Variants in IFI27L1 observed in about 807,000 individuals in gnomAD.
The protein encoded by IFI27L1 is interferon alpha-inducible protein 27-like protein 1.
A neutral mutation model predicts 9.2 loss-of-function variants in IFI27L1; 3 were observed. That is an observed-to-expected ratio of 0.32 (90% CI 0.15 to 0.84). The LOEUF is 0.84. IFI27L1 is among the 40% of genes least tolerant of loss of function. The pLI is 0.56. For synonymous variants in IFI27L1, 53 were observed against 50.0 expected (o/e 1.06, Z -0.26); for missense variants, 133 against 134.2 (o/e 0.99, Z 0.05).
intron 1 of IFI27L1, among the ~76,000 whole-genome samples, chr14:94,090,001 A>C (rs1886417432): frequency 6.6e-6 from 1 of 152,208 alleles, no homozygotes; most frequent in Non-Finnish European, 1.5e-5. Context: ...CTCATCCTAC[A>C]TTTCTATACA....
At chr14:94,088,205 C>T in intron 1 of IFI27L1, 1 of 701,548 alleles carries the variant, frequency 1.4e-6, no homozygotes, top group Admixed American at 2.0e-5. Context: ...GCTTCGGCTT[C>T]TTCTACTGCC....
At chr14:94,094,464 C>T (rs1160156815) in intron 1 of IFI27L1, among the ~76,000 whole-genome samples, 3 of 152,108 alleles carry the variant, frequency 2.0e-5, no homozygotes, top group African/African-American at 7.2e-5. Context: ...CCTGCCGTTT[C>T]CTTGCACAGT....
intron 1 of IFI27L1, among the ~76,000 whole-genome samples, chr14:94,086,260 G>C (rs922494846): frequency 6.6e-6 from 1 of 152,084 alleles, no homozygotes; most frequent in Non-Finnish European, 1.5e-5. Context: ...TGCCATGATC[G>C]TAAGCTTCCT....
intron 1 of IFI27L1, among the ~76,000 whole-genome samples, chr14:94,086,070 G>C (rs1272709059): frequency 6.6e-6 from 1 of 152,198 alleles, no homozygotes; most frequent in Non-Finnish European, 1.5e-5. Flanking sequence ...TCTGGTGGGA[G>C]GTGTTTGGAT....
intron 1 of IFI27L1, among the ~76,000 whole-genome samples, chr14:94,090,532 T>C (rs1351435385): frequency 6.6e-6 from 1 of 152,206 alleles, no homozygotes; most frequent in Non-Finnish European, 1.5e-5. Context: ...TTTTTAAAGC[T>C]GAGGCCAGCC....
At chr14:94,095,774 G>T (rs979656111) in intron 1 of IFI27L1, among the ~76,000 whole-genome samples, 2 of 152,112 alleles carry the variant, frequency 1.3e-5, no homozygotes, top group Admixed American at 6.5e-5. Flanking sequence ...CCCATGACCT[G>T]AGCACCTCCC....
intron 1 of IFI27L1, among the ~76,000 whole-genome samples, chr14:94,090,080 A>G (rs1375553302): frequency 6.6e-6 from 1 of 152,256 alleles, no homozygotes; most frequent in Non-Finnish European, 1.5e-5. Context: ...AGTAAACTGA[A>G]TAAGAAGGCT....
At chr14:94,084,145 G>A (rs1294963679) in intron 1 of IFI27L1, among the ~76,000 whole-genome samples, 1 of 152,130 alleles carries the variant, frequency 6.6e-6, no homozygotes, top group Non-Finnish European at 1.5e-5. Flanking sequence ...AAAAACAGAT[G>A]CAGGAAGATT....
chr14:94,101,021 C>G, intron 3 of IFI27L1: 1 of 598,980 alleles, frequency 1.7e-6, no homozygotes, highest in South Asian at 2.0e-5. Context: ...CATGCAACCC[C>G]GGATGAGTCA....
At position 94,096,875 on chromosome 14, in the gene IFI27L1, C is replaced by T. The variant is rs757188231; in HGVS notation, c.-51-12C>T. The T allele has an allele frequency of 1.2e-5, 19 of 1,529,500 alleles. No homozygotes were observed. The East Asian group carries it at 4.3e-4, about 34-fold the overall frequency. 94.7% of individuals were successfully genotyped at this position (1,529,500 alleles called of 1,614,324 possible). A position where few individuals can be genotyped will look rare whatever the true frequency, so the allele number is the denominator to read the frequency against. ...AACCAGATCCTGAATAAAGTCAAAACTCAACCAACAGGTGGAAGTCCAAGA... is the reference window on the plus strand; with the variant it reads ...AACCAGATCCTGAATAAAGTCAAAATTCAACCAACAGGTGGAAGTCCAAGA... On this transcript the variant is annotated splice_polypyrimidine_tract_variant and intron_variant, in intron 1 of 4. Transcript: ENST00000555523.
intron 1 of IFI27L1, among the ~76,000 whole-genome samples, chr14:94,092,531 C>CA (rs1437270208): frequency 5.4e-4 from 82 of 151,818 alleles, no homozygotes; most frequent in African/African-American, 1.6e-3. Flanking sequence ...CAAAACAAAA[C>CA]AAAAAAAACT....
chr14:94,095,814 A>T (rs1413194248), intron 1 of IFI27L1, among the ~76,000 whole-genome samples: 2 of 152,238 alleles, frequency 1.3e-5, no homozygotes, highest in Non-Finnish European at 2.9e-5. Flanking sequence ...ATTGAAGATC[A>T]CATTTCAATA....
At chr14:94,095,902 G>A (rs1412965827) in intron 1 of IFI27L1, among the ~76,000 whole-genome samples, 3 of 152,206 alleles carry the variant, frequency 2.0e-5, no homozygotes, top group African/African-American at 7.2e-5. Flanking sequence ...AGAGGAGATA[G>A]AGAACAATGT....
chr14:94,081,483 T>A (rs1886102640), intron 1 of IFI27L1, 34 bp downstream of exon 1: 1 of 152,450 alleles, frequency 6.6e-6, no homozygotes, highest in Admixed American at 6.5e-5. Context: ...GTAGTTTCGT[T>A]ACCGGAAAGG....
chr14:94,096,903 C>T lies in IFI27L1; in HGVS notation c.-35C>T, dbSNP rs779577576. 1 of 1,610,144 alleles carries T rather than the reference C, an allele frequency of 6.2e-7. No homozygotes were observed. The highest frequency in any genetic ancestry group is 1.1e-5 in the South Asian group (1 of 90,746). On this transcript the variant is annotated 5_prime_UTR_variant, in exon 2 of 5. Transcript: ENST00000555523. ...AACCAACAGGTGGAAGTCCAAGAAT[C>T]CGAGTGGAGGCTCACCGAGGCGAAG...
intron 3 of IFI27L1, chr14:94,101,257 C>T (rs546271850): frequency 7.0e-5 from 17 of 241,404 alleles, no homozygotes; most frequent in Non-Finnish European, 1.3e-4. Context: ...TTCTCTGTCA[C>T]CTGCACCACA....
intron 1 of IFI27L1, among the ~76,000 whole-genome samples, chr14:94,094,233 C>T (rs1317139471): frequency 1.3e-5 from 2 of 152,168 alleles, no homozygotes; most frequent in Non-Finnish European, 1.5e-5. Flanking sequence ...AACTGCTACT[C>T]TCTTTGGGTT....
At position 94,102,503 on chromosome 14, in the gene IFI27L1, A is replaced by G; in HGVS notation, c.250A>G (p.Lys84Glu). Residue 84 changes from lysine (K) to glutamate (E), a missense_variant, in exon 5 of 5, where the codon AAA becomes GAA. Transcript: ENST00000555523. The part of the protein sequence containing the change: ...VGAAGLSVTS[K>E]VIGGFAGTAL... ...GGCAGCTGGACTCTCTGTGACATCT[A>G]AAGTTATCGGGGGCTTTGCTGGGAC... The G allele has an allele frequency of 1.3e-6, 2 of 1,594,848 alleles. No homozygotes were observed. The highest frequency in any genetic ancestry group is 1.4e-5 in the African/African-American group (1 of 73,996).
intron 1 of IFI27L1, among the ~76,000 whole-genome samples, chr14:94,092,236 G>A (rs113053680): frequency 0.011 from 1,667 of 152,062 alleles, 35 homozygotes; most frequent in African/African-American, 0.037. Flanking sequence ...AAACCTGGCC[G>A]TGCGCTCTGG....
Sources: allele counts gnomAD v4.1 joint callset (sites outside exome capture counted in the v4.1 genomes callset), GRCh38; gene constraint gnomAD v4.1.1; transcripts MANE v1.5; gene names NCBI Gene and HGNC (gene_info 2026-07-23, HGNC 2026-07-21).